Variants in ACAP3 observed in about 807,000 individuals in gnomAD.
The protein encoded by ACAP3 is arf-GAP with coiled-coil, ANK repeat and PH domain-containing protein 3.
ACAP3 carries 56 observed loss-of-function variants against 104.1 expected under a neutral mutation model. The ratio of observed to expected loss-of-function variants is 0.54; its 90% CI spans 0.43 to 0.67. The LOEUF is 0.67. Ranked by LOEUF, ACAP3 falls within the 30% of genes least tolerant of loss-of-function variation. The probability of loss-of-function intolerance (pLI) is 0.00; values close to 1 mark genes in which losing one functional copy is unlikely to be tolerated. For synonymous variants in ACAP3, 628 were observed against 496.2 expected, an observed-to-expected ratio of 1.27 and a Z score of -3.53; for missense variants, 1,208 against 1,174.9, an observed-to-expected ratio of 1.03 and a Z score of -0.41.
At chr1:1,298,873 C>T (rs1354283460) in intron 10 of ACAP3, 194 bp from the exon 11 acceptor site, 2 of 594,642 alleles carry the variant, frequency 3.4e-6, no homozygotes, top group Non-Finnish European at 5.9e-6. Flanking sequence ...AGCCCTGCAA[C>T]CCGTGGGGCA....
chr1:1,298,850 G>A (rs931626681), intron 10 of ACAP3, 171 bp from the exon 11 acceptor site: 3 of 614,328 alleles, frequency 4.9e-6, no homozygotes, highest in African/African-American at 3.7e-5. Context: ...TTCTTGACCT[G>A]AGCAAGGCCC....
In ACAP3 at chr1:1,299,837, C is replaced by A; in HGVS notation, c.732G>T (p.Gln244His). 6.5e-7 allele frequency: 1 copy of A among 1,548,706 alleles called. No individual in the cohort carries two copies. Among genetic ancestry groups the A allele is most frequent in the Non-Finnish European group, 8.7e-7 (1 of 1,145,698 alleles). The change falls in exon 9 of 24, where the codon CAG becomes CAT. Residue 244 changes from glutamine (Q) to histidine (H), a missense_variant. Transcript: ENST00000354700. ...REMERKHAAI[Q>H]QRTLLQDFSY... ...GCCGGCTGCGCGGCCTCACCCGCTG[C>A]TGGATGGCGGCGTGCTTTCGCTCCA...
chr1:1,305,075 G>A (rs1420240452), intron 1 of ACAP3: 3 of 152,308 alleles, frequency 2.0e-5, no homozygotes, highest in African/African-American at 7.2e-5. Flanking sequence ...TTGCTACCCT[G>A]ACCGGTGTCC....
At chr1:1,295,425 G>C in intron 19 of ACAP3, 22 bp downstream of exon 19, 1 of 1,607,476 alleles carries the variant, frequency 6.2e-7, no homozygotes, top group East Asian at 2.2e-5. Flanking sequence ...CTGCCACCTG[G>C]CTGGGCCCAC....
chr1:1,296,695 C>T, intron 14 of ACAP3, 62 bp from the exon 15 acceptor site: 2 of 1,482,716 alleles, frequency 1.3e-6, no homozygotes, highest in South Asian at 1.2e-5. Flanking sequence ...CCCCAGCAGG[C>T]CCCCTCCTCC....
intron 1 of ACAP3, 34 bp from the exon 2 acceptor site, chr1:1,304,177 G>GCAGCCT: frequency 6.5e-7 from 1 of 1,549,790 alleles, no homozygotes; most frequent in East Asian, 2.4e-5. Flanking sequence ...GGGGTCACCT[G>GCAGCCT]CAGCCTCAGC....
chr1:1,297,275 G>T, intron 14 of ACAP3, among the ~76,000 whole-genome samples: 1 of 41,304 alleles, frequency 2.4e-5, no homozygotes, highest in South Asian at 1.2e-3. Context: ...GGCCATCCCC[G>T]GTGGCACGTG....
intron 4 of ACAP3, among the ~76,000 whole-genome samples, chr1:1,302,491 C>T (rs1267976168): frequency 1.3e-5 from 2 of 152,190 alleles, no homozygotes; most frequent in Admixed American, 1.3e-4. Flanking sequence ...AAAGGGACGG[C>T]TGAGCCATCC....
intron 6 of ACAP3, 79 bp downstream of exon 6, chr1:1,300,430 C>T: frequency 1.4e-6 from 2 of 1,455,258 alleles, no homozygotes; most frequent in Admixed American, 2.2e-5. Flanking sequence ...CTCAAAATCC[C>T]TCCAGTTCTG....
At chr1:1,302,640 T>G (rs909188410) in intron 4 of ACAP3, among the ~76,000 whole-genome samples, 6 of 151,710 alleles carry the variant, frequency 4.0e-5, no homozygotes, top group African/African-American at 1.5e-4. Context: ...CAGACCCAAA[T>G]GGCAGCCAGG....
intron 1 of ACAP3, among the ~76,000 whole-genome samples, chr1:1,306,100 C>T (rs1317687102): frequency 1.3e-5 from 2 of 152,216 alleles, no homozygotes; most frequent in African/African-American, 4.8e-5. Context: ...TCTCATCTCC[C>T]CACTCCAGTC....
chr1:1,300,519 T>C lies in ACAP3; in HGVS notation c.512A>G (p.Tyr171Cys). Residue 171 changes from tyrosine (Y) to cysteine (C), a missense_variant, in exon 6 of 24, where the codon TAT becomes TGT. Transcript: ENST00000354700. ...ATTTCTGGGGCTGACCTGGAGCACATAGTCCAGTGCCAGGTGGCGGAAGCA... is the reference window on the plus strand; with the variant it reads ...ATTTCTGGGGCTGACCTGGAGCACACAGTCCAGTGCCAGGTGGCGGAAGCA... ...RKCFRHLALD[Y>C]VLQINVLQAK... The C allele has an allele frequency of 3.7e-6, 6 of 1,610,498 alleles. No individual in the cohort carries two copies. The highest frequency in any genetic ancestry group is 2.2e-5 in the East Asian group (1 of 44,786).
Position 1,303,100 on chromosome 1 carries a change from G to A in ACAP3, c.225+62C>T, listed in dbSNP as rs1641523098. ...CTTCTGGCCTGGACGCCCTCAAGGG[G>A]CTGCCTCCCTCGGCCTCTCCCCCAA... On this transcript the variant is annotated intron_variant, in intron 3 of 23. Transcript: ENST00000354700. This position sits in a 1 kb window ranked among gnomAD's most constrained non-coding sequence, Gnocchi z 4.0. 6.4e-7 allele frequency: 1 copy of A among 1,558,522 alleles called. No individual in the cohort carries two copies. The highest frequency in any genetic ancestry group is 1.2e-5 in the South Asian group (1 of 85,014).
chr1:1,304,276 C>T, intron 1 of ACAP3, 133 bp from the exon 2 acceptor site: 3 of 1,093,260 alleles, frequency 2.7e-6, no homozygotes, highest in Non-Finnish European at 1.3e-6. Context: ...AGACAGACGC[C>T]TGCCTGCTAC....
rs1641566997 is a variant in ACAP3, at chr1:1,303,948, G to A, written c.105+138C>T. ...CTGGAACACACATGCTAAGACACAGGGACCAGGACCTGGAGCACCACACGC... is the reference window on the plus strand; with the variant it reads ...CTGGAACACACATGCTAAGACACAGAGACCAGGACCTGGAGCACCACACGC... On this transcript the variant is annotated intron_variant, in intron 2 of 23. Transcript: ENST00000354700. The surrounding 1 kb of genome is among the most constrained non-coding windows in gnomAD (Gnocchi z 4.0). The A allele has an allele frequency of 7.9e-6, 8 of 1,015,096 alleles. No individual in the cohort carries two copies. Among genetic ancestry groups the A allele is most frequent in the Non-Finnish European group, 1.2e-5 (8 of 690,806 alleles). The allele number at this position is 1,015,096 out of a possible 1,614,324, so 62.9% of individuals were successfully genotyped here. A position where few individuals can be genotyped will look rare whatever the true frequency, so the allele number is the denominator to read the frequency against.
rs1641001079 is a variant in ACAP3, at chr1:1,294,205, G to GGGA, written c.2140-7_2140-6insTCC. The GGGA allele has an allele frequency of 2.5e-6, 4 of 1,576,952 alleles. No individual in the cohort carries two copies. In the African/African-American group the frequency reaches 4.0e-5, roughly 16 times the overall value. On this transcript the variant is annotated splice_polypyrimidine_tract_variant and splice_region_variant and intron_variant, in intron 21 of 23. Coordinates refer to ENST00000354700, the MANE Select transcript of ACAP3 (RefSeq NM_030649.3). ...TCACAGACGATCAAGGAGCCCTGGG[G>GGGA]AGCCGGGGCAACTCAGACGGAGCCA...
chr1:1,296,045 C>G lies in ACAP3; in HGVS notation c.1472G>C (p.Gly491Ala). ...QIYEAQCEGA[G>A]SRKPTASSSR... The stretch of plus-strand genomic sequence containing the variant: ...GCTGCTGGCTGTGGGTTTCCTGCTG[C>G]CTGCACCCTCACACTGGGCCTCATA... Residue 491 changes from glycine (G) to alanine (A), a missense_variant, in exon 17 of 24, where the codon GGC becomes GCC. Coordinates refer to ENST00000354700, the MANE Select transcript of ACAP3 (RefSeq NM_030649.3). 6.2e-7 allele frequency: 1 copy of G among 1,612,806 alleles called. No individual in the cohort carries two copies. The highest frequency in any genetic ancestry group is 8.5e-7 in the Non-Finnish European group (1 of 1,179,976).
intron 1 of ACAP3, 81 bp from the exon 2 acceptor site, chr1:1,304,224 G>A: frequency 1.3e-6 from 2 of 1,513,680 alleles, no homozygotes; most frequent in African/African-American, 1.4e-5. Flanking sequence ...ACCTCCCTGA[G>A]GGGCTCCACC....
chr1:1,307,087 G>A (rs1226942287), intron 1 of ACAP3: 5 of 950,606 alleles, frequency 5.3e-6, no homozygotes, highest in Middle Eastern at 2.5e-4. Flanking sequence ...GATGCAGAGA[G>A]GTTTCTTTGC....
Sources: allele counts gnomAD v4.1 joint callset (sites outside exome capture counted in the v4.1 genomes callset), GRCh38; gene constraint gnomAD v4.1.1; non-coding constraint Gnocchi (gnomAD v3.1); transcripts MANE v1.5; gene names NCBI Gene and HGNC (gene_info 2026-07-23, HGNC 2026-07-21).